DOCK8: variants seen among roughly 807,000 people sequenced by gnomAD.
DOCK8 encodes dedicator of cytokinesis 8, also known as dedicator of cytokinesis protein 8.
Under a neutral mutation model 245.6 loss-of-function variants are expected in DOCK8, and 141 were observed. The ratio of observed to expected loss-of-function variants is 0.57; its 90% CI spans 0.50 to 0.66. The LOEUF (loss-of-function observed/expected upper bound fraction) is 0.66, where lower values mean the gene tolerates loss of function less well. Among genes scored for constraint, DOCK8 ranks in the 30% least tolerant of loss-of-function variants. The pLI is 0.00. For missense variants in DOCK8, 2,965 were observed against 2,603.4 expected (o/e 1.14, Z -3.02); for synonymous variants, 1,168 against 970.2 (o/e 1.20, Z -3.79).
At chr9:414,030 T>C (rs886149839) in intron 28 of DOCK8, among the ~76,000 whole-genome samples, 2 of 151,900 alleles carry the variant, frequency 1.3e-5, no homozygotes, top group Non-Finnish European at 2.9e-5. Context: ...TAGTCCCCGC[T>C]ACTTGGGAGG....
intron 9 of DOCK8, among the ~76,000 whole-genome samples, chr9:329,171 C>G (rs1307039554): frequency 1.3e-5 from 2 of 152,064 alleles, no homozygotes; most frequent in Non-Finnish European, 2.9e-5. Flanking sequence ...AGGCTGATCT[C>G]AAACTCCTGA....
At chr9:216,400 G>C (rs2046752574) in intron 1 of DOCK8, among the ~76,000 whole-genome samples, 1 of 151,902 alleles carries the variant, frequency 6.6e-6, no homozygotes, top group Non-Finnish European at 1.5e-5. Context: ...GCCAGGTGTG[G>C]TTGCATGCAC....
upstream of DOCK8, chr9:212,830 A>T (rs1013267649): frequency 6.6e-6 from 1 of 152,218 alleles, no homozygotes; most frequent in African/African-American, 2.4e-5. Flanking sequence ...AGATGCTTTC[A>T]TTACATTTTA....
chr9:376,222 C>G lies in DOCK8; in HGVS notation c.2122C>G (p.Gln708Glu). 2 of 1,610,080 alleles carry G rather than the reference C, an allele frequency of 1.2e-6. No individual in the cohort carries two copies. The highest frequency in any genetic ancestry group is 1.7e-6 in the Non-Finnish European group (2 of 1,176,642). Residue 708 changes from glutamine (Q) to glutamate (E), a missense_variant, in exon 19 of 48, where the codon CAG (glutamine) becomes GAG (glutamate). By Grantham distance (29) the Gln-to-Glu change is conservative. This residue lies in a region of DOCK8 where 2,825 missense variants were observed against 2,453.5 expected (regional missense o/e 1.15). Transcript: ENST00000432829. ...SMHSAEKVPL[Q>E]NPPIKWAEGH... ...CTCTTTAACACAGAAAGTCCCATTA[C>G]AGAATCCTCCCATTAAGTGGGCTGA...
intron 12 of DOCK8, 140 bp from the exon 13 acceptor site, chr9:338,866 T>A: frequency 1.4e-6 from 1 of 719,350 alleles, no homozygotes. Context: ...CTCAGTGATT[T>A]CAGAGCTGTC....
At chr9:312,257 GC>G (rs780758901) in intron 6 of DOCK8, 91 bp downstream of exon 6, 2 of 1,452,296 alleles carry the variant, frequency 1.4e-6, no homozygotes, top group Admixed American at 1.9e-5. Flanking sequence ...CTATATAGCA[GC>G]CCATGGTGTC....
chr9:459,882 G>A (rs565244203), intron 46 of DOCK8: 14 of 152,154 alleles, frequency 9.2e-5, no homozygotes, highest in Non-Finnish European at 1.6e-4. Context: ...AGTACAGAAC[G>A]AGAGAGAGAC....
In DOCK8 at chr9:463,583, A is replaced by G; in HGVS notation, c.6135A>G (p.Glu2045=). Residue 2045 remains glutamate, a synonymous_variant, in exon 47 of 48, where the codon GAA becomes GAG. Transcript: ENST00000432829. ...CAGACCAGAGGGAATATCAGCAGGA[A>G]CTCAAAAAGAACTATAACAAGCTAA... ...ITADQREYQQ[E]LKKNYNKLKE... 1 of 1,614,220 alleles carries G rather than the reference A, an allele frequency of 6.2e-7. No homozygotes were observed. The highest frequency in any genetic ancestry group is 8.5e-7 in the Non-Finnish European group (1 of 1,180,040).
At chr9:404,802 T>C (rs1032136944) in intron 26 of DOCK8, 116 bp from the exon 27 acceptor site, 1 of 1,151,252 alleles carries the variant, frequency 8.7e-7, no homozygotes, top group Non-Finnish European at 1.3e-6. Flanking sequence ...ATCCCATTAG[T>C]TTTTATTAAA....
At chr9:342,297 C>CTTTTT (rs34071975) in intron 14 of DOCK8, among the ~76,000 whole-genome samples, 23 of 124,392 alleles carry the variant, frequency 1.8e-4, no homozygotes, top group African/African-American at 3.9e-4. Flanking sequence ...TTTCTTTTTT[C>CTTTTT]TTTTTTTTTT....
intron 1 of DOCK8, among the ~76,000 whole-genome samples, chr9:235,027 T>C (rs955320347): frequency 3.3e-5 from 5 of 152,204 alleles, no homozygotes; most frequent in Non-Finnish European, 5.9e-5. Context: ...TCTTTGTGTT[T>C]TTATCTACCT....
chr9:341,644 C>G (rs181570688), intron 14 of DOCK8, among the ~76,000 whole-genome samples: 2 of 152,190 alleles, frequency 1.3e-5, no homozygotes, highest in African/African-American at 4.8e-5. Context: ...CATCTGTGAA[C>G]GCTCAATGGC....
chr9:331,426 G>C (rs1429009421), intron 9 of DOCK8, among the ~76,000 whole-genome samples: 1 of 152,180 alleles, frequency 6.6e-6, no homozygotes, highest in African/African-American at 2.4e-5. Context: ...GCCTCATGCT[G>C]CTTCCTTTGA....
chr9:327,644 G>A (rs1484487895), intron 8 of DOCK8, among the ~76,000 whole-genome samples: 6 of 152,100 alleles, frequency 3.9e-5, no homozygotes, highest in Non-Finnish European at 8.8e-5. Context: ...CAATGTGCCC[G>A]CCTTGGCCTC....
At chr9:274,205 C>G (rs1312496741) in intron 2 of DOCK8, among the ~76,000 whole-genome samples, 1 of 152,116 alleles carries the variant, frequency 6.6e-6, no homozygotes, top group Non-Finnish European at 1.5e-5. Flanking sequence ...TGTGGCTTAG[C>G]TGTCCATTTT....
intron 1 of DOCK8, chr9:215,650 G>A (rs1383923927): frequency 4.7e-6 from 2 of 422,046 alleles, no homozygotes; most frequent in African/African-American, 4.1e-5. Flanking sequence ...AAAAGAAATG[G>A]CCTGTGGCTG....
rs16933192 is a variant in DOCK8 at position 349,182 on chromosome 9, T to A, written c.1679+8861T>A. Reference sequence around the variant, plus strand: ...GAGCTGTGAGTAGTTGAAAGGACTGTGTTTTGACAGCGTAATAAGGTAATT... The same window carrying A: ...GAGCTGTGAGTAGTTGAAAGGACTGAGTTTTGACAGCGTAATAAGGTAATT... On this transcript the variant is annotated intron_variant, in intron 14 of 47. Coordinates refer to ENST00000432829, the MANE Select transcript of DOCK8 (RefSeq NM_203447.4). Among the ~76,000 whole-genome samples the A allele has an allele frequency of 9.4e-3, 1,435 of 152,332 alleles. 22 individuals carry two copies. Among genetic ancestry groups the A allele is most frequent in the African/African-American group, 0.033 (1,381 of 41,558 alleles).
At chr9:224,937 C>T (rs1393567217) in intron 1 of DOCK8, among the ~76,000 whole-genome samples, 1 of 152,174 alleles carries the variant, frequency 6.6e-6, no homozygotes, top group African/African-American at 2.4e-5. Context: ...AAGACTATCA[C>T]CCACCTGTTG....
intron 14 of DOCK8, chr9:366,302 C>T (rs2052996208): frequency 6.6e-6 from 1 of 152,388 alleles, no homozygotes; most frequent in Non-Finnish European, 1.5e-5. Flanking sequence ...CCAGGCCAGC[C>T]CCATTCTGCC....
Sources: gnomAD v4.1 joint callset for allele counts (sites outside exome capture counted in the v4.1 genomes callset) on GRCh38, gnomAD v4.1.1 for gene constraint, gnomAD v4.1.1 regional missense constraint, MANE v1.5 for transcripts, NCBI Gene and HGNC (gene_info 2026-07-23, HGNC 2026-07-21) for gene names.